The following TNRC18 variants were observed in gnomAD, a reference collection of about 807,000 sequenced individuals.
TNRC18 encodes trinucleotide repeat-containing gene 18 protein.
Under a neutral mutation model 226.7 loss-of-function variants are expected in TNRC18, and 69 were observed. That is an observed-to-expected ratio of 0.30 (90% CI 0.25 to 0.37). The LOEUF is 0.37. TNRC18 is among the 10% of genes least tolerant of loss of function. TNRC18 has a pLI of 1.00. For missense variants in TNRC18, 4,754 were observed against 4,256.6 expected (o/e 1.12, Z -3.25); for synonymous variants, 2,449 against 1,927.6 (o/e 1.27, Z -7.09).
At chr7:5,402,262 A>T (rs143876920) in intron 2 of TNRC18, among the ~76,000 whole-genome samples, 2 of 149,896 alleles carry the variant, frequency 1.3e-5, no homozygotes, top group Non-Finnish European at 3.0e-5. Flanking sequence ...GGCCAGGCAC[A>T]GTGACTCATG....
chr7:5,371,193 C>A lies in TNRC18; in HGVS notation c.3401G>T (p.Arg1134Leu), dbSNP rs112452680. 1 of 1,604,876 alleles carries A rather than the reference C, an allele frequency of 6.2e-7. No individual in the cohort carries two copies. Among genetic ancestry groups the A allele is most frequent in the Admixed American group, 1.7e-5 (1 of 59,658 alleles). The change falls in exon 11 of 30, where the codon CGC (arginine) becomes CTC (leucine). Residue 1134 changes from arginine (R) to leucine (L), a missense_variant. By Grantham distance (102) the Arg-to-Leu change is moderately radical. Coordinates refer to ENST00000430969, the MANE Select transcript of TNRC18 (RefSeq NM_001080495.3). ...LALSPEDKPI[R>L]LSPSKITEPL... ...CTCTGTGATCTTGGAGGGGGACAAG[C>A]GGATGGGCTTGTCTTCGGGTGAGAG...
Position 5,376,040 on chromosome 7 carries a change from C to T in TNRC18, c.2793G>A (p.Gln931=). 6.3e-7 allele frequency: 1 copy of T among 1,592,592 alleles called. No homozygotes were observed. Among genetic ancestry groups the T allele is most frequent in the Non-Finnish European group, 8.5e-7 (1 of 1,171,162 alleles). ...CTCATCCTCCCCGACTTACCACGAG[C>T]TGGGCGCTCCTCTGCAGTTCCAAGG... ...AQALELQRSA[Q]LVQERLKAQE... is the part of the protein sequence containing the mutation. The change falls in exon 9 of 30, where the codon CAG becomes CAA. Residue 931 remains glutamine, a synonymous_variant. Coordinates refer to ENST00000430969, the MANE Select transcript of TNRC18 (RefSeq NM_001080495.3).
intron 8 of TNRC18, 113 bp downstream of exon 8, chr7:5,376,734 C>A (rs1779002630): frequency 5.2e-6 from 7 of 1,343,092 alleles, no homozygotes; most frequent in Non-Finnish European, 7.2e-6. Context: ...TCCGCCTCCC[C>A]AGCCCCAGAT....
chr7:5,347,712 T>C (rs1791350040), intron 17 of TNRC18, among the ~76,000 whole-genome samples: 1 of 151,024 alleles, frequency 6.6e-6, no homozygotes, highest in Admixed American at 6.6e-5. Context: ...ATCCCAGCAC[T>C]TTGGGAGGCC....
At chr7:5,319,335 T>C (rs1027850483) in intron 24 of TNRC18, among the ~76,000 whole-genome samples, 2 of 152,034 alleles carry the variant, frequency 1.3e-5, no homozygotes, top group African/African-American at 4.8e-5. Context: ...GGCATGTGAG[T>C]GGGCTTTTTT....
At chr7:5,325,634 G>C (rs1262811621) in intron 19 of TNRC18, 8 of 203,954 alleles carry the variant, frequency 3.9e-5, no homozygotes, top group South Asian at 2.8e-4. Flanking sequence ...CCGTGTTTGC[G>C]AGGATGGTCT....
intron 2 of TNRC18, among the ~76,000 whole-genome samples, chr7:5,415,526 C>T (rs939935278): frequency 6.6e-6 from 1 of 151,452 alleles, no homozygotes; most frequent in African/African-American, 2.4e-5. Flanking sequence ...TACAGGCACC[C>T]GCCACCACAC....
chr7:5,320,467 A>G (rs1282795705), intron 23 of TNRC18, 41 bp from the exon 24 acceptor site: 1 of 1,565,644 alleles, frequency 6.4e-7, no homozygotes, highest in Non-Finnish European at 8.7e-7. Context: ...GGACACAGTT[A>G]TGGCCATGGC....
Position 5,362,051 on chromosome 7 carries a change from A to G in TNRC18, c.4396-18T>C. 1 of 1,610,650 alleles carries G rather than the reference A, an allele frequency of 6.2e-7. No individual in the cohort carries two copies. Among genetic ancestry groups the G allele is most frequent in the Non-Finnish European group, 8.5e-7 (1 of 1,178,158 alleles). On this transcript the variant is annotated intron_variant, in intron 12 of 29. Coordinates refer to ENST00000430969, the MANE Select transcript of TNRC18 (RefSeq NM_001080495.3). ...GCATACATCTGGGGGAAGAACCGGG[A>G]GAGGAGGAGGGGGTGAGGATGCCAC...
intron 29 of TNRC18, 53 bp downstream of exon 29, chr7:5,308,819 CCCG>C: frequency 6.5e-7 from 1 of 1,536,308 alleles, no homozygotes; most frequent in Non-Finnish European, 8.8e-7. Context: ...GTCTGAGCTG[CCCG>C]GAAGGAAGCA....
intron 3 of TNRC18, 98 bp from the exon 4 acceptor site, chr7:5,390,726 C>T (rs187142397): frequency 3.0e-5 from 42 of 1,387,704 alleles, no homozygotes; most frequent in African/African-American, 1.6e-4. Context: ...GGCAGCCGAC[C>T]GCTGGTACAG....
rs201724127 is a variant in TNRC18 at position 5,356,945 on chromosome 7, A to C, written c.5165T>G (p.Phe1722Cys). 18 of 1,550,660 alleles carry C rather than the reference A, an allele frequency of 1.2e-5. No homozygotes were observed. Among genetic ancestry groups the C allele is most frequent in the Non-Finnish European group, 1.5e-5 (17 of 1,146,432 alleles). Reference sequence around the variant, plus strand: ...AGAGTAGCTGCTCACTTCCGAGGCAAACGGGGAATGGGCCGACTTGGGCTG... The same window carrying C: ...AGAGTAGCTGCTCACTTCCGAGGCACACGGGGAATGGGCCGACTTGGGCTG... ...RGQPKSAHSP[F>C]ASEVSSYSYN... The change falls in exon 16 of 30, where the codon TTT (phenylalanine) becomes TGT (cysteine). Residue 1722 changes from phenylalanine to cysteine, a missense_variant. Coordinates refer to ENST00000430969, the MANE Select transcript of TNRC18 (RefSeq NM_001080495.3).
chr7:5,308,632 G>A (rs539130733), intron 29 of TNRC18, among the ~76,000 whole-genome samples: 1 of 152,078 alleles, frequency 6.6e-6, no homozygotes, highest in East Asian at 1.9e-4. Flanking sequence ...AGAGTCAGAG[G>A]GCAAGAATGG....
At chr7:5,318,610 AC>A (rs1262234014) in intron 24 of TNRC18, among the ~76,000 whole-genome samples, 1 of 152,088 alleles carries the variant, frequency 6.6e-6, no homozygotes. Flanking sequence ...GAGAACACAC[AC>A]ACACACACAC....
intron 11 of TNRC18, 92 bp from the exon 12 acceptor site, chr7:5,362,917 A>G (rs1388449117): frequency 2.3e-6 from 3 of 1,322,324 alleles, no homozygotes; most frequent in African/African-American, 1.5e-5. Context: ...CGCAGGCCCC[A>G]GGCCACACGT....
At chr7:5,365,513 C>G (rs1165995629) in intron 11 of TNRC18, among the ~76,000 whole-genome samples, 2 of 152,130 alleles carry the variant, frequency 1.3e-5, no homozygotes, top group African/African-American at 4.8e-5. Flanking sequence ...GTGTGCAGTT[C>G]TCTGATAAAT....
intron 2 of TNRC18, among the ~76,000 whole-genome samples, chr7:5,416,143 G>A (rs1033478177): frequency 2.0e-5 from 3 of 148,576 alleles, no homozygotes; most frequent in South Asian, 2.2e-4. Flanking sequence ...AGCCAAGCGC[G>A]GTGGCTCAAG....
intron 5 of TNRC18, among the ~76,000 whole-genome samples, chr7:5,382,871 G>A (rs926878086): frequency 2.0e-5 from 3 of 152,096 alleles, no homozygotes; most frequent in African/African-American, 2.4e-5. Flanking sequence ...CTGTTCATAC[G>A]GGCTGCTGGC....
intron 2 of TNRC18, among the ~76,000 whole-genome samples, chr7:5,407,612 T>G (rs1584101848): frequency 6.6e-6 from 1 of 152,204 alleles, no homozygotes; most frequent in East Asian, 1.9e-4. Flanking sequence ...TTTGTCTTGC[T>G]CCAATCAGGT....
Sources: gnomAD v4.1 joint callset for allele counts (sites outside exome capture counted in the v4.1 genomes callset) on GRCh38, gnomAD v4.1.1 for gene constraint, MANE v1.5 for transcripts, NCBI Gene and HGNC (gene_info 2026-07-23, HGNC 2026-07-21) for gene names.